SLC5A7: variants seen among roughly 807,000 people sequenced by gnomAD.
SLC5A7 encodes high affinity choline transporter 1.
SLC5A7 carries 19 observed loss-of-function variants against 55.4 expected under a neutral mutation model. The observed-to-expected ratio is 0.34, with a 90% CI of 0.24 to 0.50. The LOEUF (loss-of-function observed/expected upper bound fraction) is 0.50, where lower values mean the gene tolerates loss of function less well. Ranked by LOEUF, SLC5A7 falls within the 20% of genes least tolerant of loss-of-function variation. SLC5A7 has a pLI of 0.98. For missense variants in SLC5A7, 506 were observed against 705.3 expected, an observed-to-expected ratio of 0.72 and a Z score of 3.20; for synonymous variants, 265 against 263.7, an observed-to-expected ratio of 1.00 and a Z score of -0.05.
At position 108,008,464 on chromosome 2, in the gene SLC5A7, G is replaced by T; in HGVS notation, c.896-1G>T. ...TAATGGTTGTTGATTCTGTTCAACA[G>T]ACTGGAACCAGACTGCATATGGGCT... is the stretch of plus-strand genomic sequence containing the variant. On this transcript the variant is annotated splice_acceptor_variant, in intron 7 of 8. Transcript: ENST00000264047. LOFTEE classifies it high-confidence loss of function. 1 of 1,612,742 alleles carries T rather than the reference G, an allele frequency of 6.2e-7. No homozygotes were observed. Among genetic ancestry groups the T allele is most frequent in the South Asian group, 1.1e-5 (1 of 90,916 alleles).
intron 6 of SLC5A7, among the ~76,000 whole-genome samples, chr2:108,003,241 A>G (rs1437549017): frequency 6.6e-6 from 1 of 152,206 alleles, no homozygotes; most frequent in Non-Finnish European, 1.5e-5. Context: ...CATCATAGAG[A>G]GGATGAGACT....
chr2:107,992,929 T>C lies in SLC5A7; in HGVS notation c.293-43T>C, dbSNP rs1281029429. ...GCAGCATAGTAAAAGACTATTATATTACATTCTTTTTATTTTCTCCTAAAC... is the reference window on the plus strand; with the variant it reads ...GCAGCATAGTAAAAGACTATTATATCACATTCTTTTTATTTTCTCCTAAAC... On this transcript the variant is annotated intron_variant, in intron 3 of 8. Coordinates refer to ENST00000264047, the MANE Select transcript of SLC5A7 (RefSeq NM_021815.5). The C allele has an allele frequency of 3.8e-6, 6 of 1,597,204 alleles. No individual in the cohort carries two copies. The East Asian group carries it at 1.3e-4, about 36-fold the overall frequency.
chr2:108,007,082 T>C (rs78133633), intron 7 of SLC5A7, among the ~76,000 whole-genome samples: 25,142 of 152,114 alleles, frequency 0.17, 2,263 homozygotes, highest in Non-Finnish European at 0.19. Flanking sequence ...AATGTATTAA[T>C]TACTCCTGAC....
chr2:108,012,165 GTGTGTGTGTGTGTA>G lies in SLC5A7; in HGVS notation c.*1324_*1337del, dbSNP rs769665950. On this transcript the variant is annotated 3_prime_UTR_variant, in exon 9 of 9. Transcript: ENST00000264047. ...TGGTGTTACACATACACACTCATAC[GTGTGTGTGTGTGTA>G]TGTGTGTGTGTGTATGTGTAATGAT... 6.6e-5 allele frequency: 10 copies of G among 151,512 alleles called. No homozygotes were observed. The highest frequency in any genetic ancestry group is 3.4e-3 in the Middle Eastern group (1 of 294). 9.4% of individuals were successfully genotyped at this position (151,512 alleles called of 1,614,324 possible). A position where few individuals can be genotyped will look rare whatever the true frequency, so the allele number is the denominator to read the frequency against.
At position 107,997,284 on chromosome 2, in the gene SLC5A7, A is replaced by G. The variant is rs559439724; in HGVS notation, c.449-554A>G. Among the ~76,000 whole-genome samples, 3 of 152,322 alleles carry G rather than the reference A, an allele frequency of 2.0e-5. No individual in the cohort carries two copies. The East Asian group carries it at 5.8e-4, about 29-fold the overall frequency. ...ATATTCAAATAGTTACCATCATGTT[A>G]CACTTGCCTACAGTGTTTAGTACGG... On this transcript the variant is annotated intron_variant, in intron 4 of 8. Transcript: ENST00000264047.
At chr2:108,005,649 G>A (rs1678080771) in intron 6 of SLC5A7, among the ~76,000 whole-genome samples, 1 of 152,148 alleles carries the variant, frequency 6.6e-6, no homozygotes, top group East Asian at 1.9e-4. Flanking sequence ...TCGCTGGGAA[G>A]TCCAAGATCA....
intron 6 of SLC5A7, 137 bp downstream of exon 6, chr2:108,002,177 G>A: frequency 9.5e-7 from 1 of 1,050,488 alleles, no homozygotes; most frequent in Non-Finnish European, 1.4e-6. Flanking sequence ...TCTCTATCGG[G>A]AGGGTGGAGC....
chr2:107,989,240 AG>A (rs1677355232), intron 2 of SLC5A7, among the ~76,000 whole-genome samples: 1 of 152,252 alleles, frequency 6.6e-6, no homozygotes, highest in South Asian at 2.1e-4. Flanking sequence ...TTTGCAACAT[AG>A]CAAGAACTGT....
intron 2 of SLC5A7, 115 bp from the exon 3 acceptor site, chr2:107,991,991 C>T: frequency 1.3e-5 from 7 of 531,230 alleles, no homozygotes; most frequent in Non-Finnish European, 2.1e-5. Flanking sequence ...ACAACTCAAT[C>T]TAGGCTCGTC....
chr2:108,001,781 C>T, intron 5 of SLC5A7, 116 bp from the exon 6 acceptor site: 1 of 1,038,178 alleles, frequency 9.6e-7, no homozygotes. Flanking sequence ...TCCGATCCTT[C>T]TCTGTCTGAA....
At chr2:107,991,319 T>A (rs936836670) in intron 2 of SLC5A7, among the ~76,000 whole-genome samples, 5 of 152,186 alleles carry the variant, frequency 3.3e-5, no homozygotes, top group African/African-American at 1.2e-4. Context: ...AGATCCATAT[T>A]AAAATATAGA....
chr2:107,996,415 C>T (rs566156048), intron 4 of SLC5A7, among the ~76,000 whole-genome samples: 1 of 152,148 alleles, frequency 6.6e-6, no homozygotes, highest in African/African-American at 2.4e-5. Context: ...AAAAATATTT[C>T]TTACTGATAT....
At chr2:108,007,411 T>C (rs1678166044) in intron 7 of SLC5A7, among the ~76,000 whole-genome samples, 1 of 58,856 alleles carries the variant, frequency 1.7e-5, no homozygotes, top group African/African-American at 8.3e-5. Flanking sequence ...GTATGTAGTG[T>C]TTGTCTCTGA....
intron 1 of SLC5A7, among the ~76,000 whole-genome samples, chr2:107,987,719 A>G (rs1677301808): frequency 6.6e-6 from 1 of 152,240 alleles, no homozygotes; most frequent in Non-Finnish European, 1.5e-5. Flanking sequence ...AAATAATTCT[A>G]GAAGAGTAAC....
At position 108,013,340 on chromosome 2, in the gene SLC5A7, A is replaced by G. The variant is rs184343872; in HGVS notation, c.*2479A>G. 6 of 152,282 alleles carry G rather than the reference A, an allele frequency of 3.9e-5. No homozygotes were observed. The highest frequency in any genetic ancestry group is 5.9e-5 in the Non-Finnish European group (4 of 68,010). 9.4% of individuals were successfully genotyped at this position (152,282 alleles called of 1,614,324 possible). Reference sequence around the variant, plus strand: ...TAGGTATACAAAAGACTAGTTTGTTATTAATCCACAAATATGCTAAATGTT... The same window carrying G: ...TAGGTATACAAAAGACTAGTTTGTTGTTAATCCACAAATATGCTAAATGTT... On this transcript the variant is annotated 3_prime_UTR_variant, in exon 9 of 9. Coordinates refer to ENST00000264047, the MANE Select transcript of SLC5A7 (RefSeq NM_021815.5).
Position 107,997,897 on chromosome 2 carries a change from C to T in SLC5A7, c.508C>T (p.Leu170Phe), listed in dbSNP as rs777377902. The T allele has an allele frequency of 1.2e-6, 2 of 1,613,994 alleles. No homozygotes were observed. The highest frequency in any genetic ancestry group is 1.7e-5 in the Admixed American group (1 of 60,010). Residue 170 changes from leucine (L) to phenylalanine (F), a missense_variant, in exon 5 of 9, where the codon CTC becomes TTC. This residue lies in a region of SLC5A7 where 309 missense variants were observed against 478.6 expected (regional missense o/e 0.65). Transcript: ENST00000264047. The part of the protein sequence containing the change: ...DMHISVIISA[L>F]IATLYTLVGG... ...GCACATTTCTGTCATCATCTCTGCA[C>T]TCATTGCCACTCTGTACACACTGGT...
chr2:107,992,053 G>A (rs1677472627), intron 2 of SLC5A7, 53 bp from the exon 3 acceptor site: 3 of 1,131,922 alleles, frequency 2.7e-6, no homozygotes, highest in Middle Eastern at 4.0e-4. Context: ...GCAGGCAGAT[G>A]TAGGTATAAC....
intron 7 of SLC5A7, 85 bp from the exon 8 acceptor site, chr2:108,008,380 C>A: frequency 9.9e-7 from 1 of 1,008,694 alleles, no homozygotes; most frequent in Non-Finnish European, 1.5e-6. Context: ...TATTTCAAAA[C>A]AACCTAGTAA....
chr2:108,006,337 T>C (rs1474814283), intron 7 of SLC5A7, 135 bp downstream of exon 7: 4 of 1,000,496 alleles, frequency 4.0e-6, no homozygotes, highest in Admixed American at 2.5e-5. Flanking sequence ...AGATTTGTTA[T>C]AGCATTCAGT....
Sources: gnomAD v4.1 joint callset for allele counts (sites outside exome capture counted in the v4.1 genomes callset) on GRCh38, gnomAD v4.1.1 for gene constraint, gnomAD v4.1.1 regional missense constraint, MANE v1.5 for transcripts, NCBI Gene and HGNC (gene_info 2026-07-23, HGNC 2026-07-21) for gene names.